SYNJ2BP: variants seen among roughly 807,000 people sequenced by gnomAD.
SYNJ2BP encodes synaptojanin-2-binding protein.
Under a neutral mutation model 16.9 loss-of-function variants are expected in SYNJ2BP, and 10 were observed. That is an observed-to-expected ratio of 0.59 (90% CI 0.36 to 1.00). The LOEUF (loss-of-function observed/expected upper bound fraction) is 1.00. Among genes scored for constraint, SYNJ2BP ranks in the 50% least tolerant of loss-of-function variants. The pLI is 0.01. For synonymous variants in SYNJ2BP, 54 were observed against 68.4 expected (o/e 0.79, Z 1.04); for missense variants, 162 against 186.7 (o/e 0.87, Z 0.77).
At chr14:70,392,011 G>A (rs1887991089) in intron 1 of SYNJ2BP, among the ~76,000 whole-genome samples, 1 of 152,162 alleles carries the variant, frequency 6.6e-6, no homozygotes, top group Admixed American at 6.5e-5. Context: ...CTGAACCTGG[G>A]CTGTACGGAT....
At chr14:70,377,935 T>G (rs2140814638) in intron 2 of SYNJ2BP, among the ~76,000 whole-genome samples, 1 of 152,336 alleles carries the variant, frequency 6.6e-6, no homozygotes, top group East Asian at 1.9e-4. Flanking sequence ...TCAGCATTCA[T>G]TCTCTATTCC....
chr14:70,383,156 T>A (rs1267260611), intron 2 of SYNJ2BP, among the ~76,000 whole-genome samples: 1 of 152,172 alleles, frequency 6.6e-6, no homozygotes, highest in East Asian at 1.9e-4. Context: ...CGGAACTAAC[T>A]TATTAGATGC....
In SYNJ2BP at chr14:70,367,561, C is replaced by CAAAAAAAAAAAAAAAAAAAAAAAAAAAAA. The variant is rs71448320; in HGVS notation, c.*5429_*5430insTTTTTTTTTTTTTTTTTTTTTTTTTTTTT. 2 of 36,950 alleles carry CAAAAAAAAAAAAAAAAAAAAAAAAAAAAA rather than the reference C, an allele frequency of 5.4e-5. 1 individual carries two copies. 2.3% of individuals were successfully genotyped at this position (36,950 alleles called of 1,614,324 possible). A position where few individuals can be genotyped will look rare whatever the true frequency, so the allele number is the denominator to read the frequency against. On this transcript the variant is annotated 3_prime_UTR_variant, in exon 4 of 4. Transcript: ENST00000256366. ...TAGGCGACAGAGCAAGACTCCGTCT[C>CAAAAAAAAAAAAAAAAAAAAAAAAAAAAA]AAAAAAAAAAAAAAAAAAAAAAAAA...
chr14:70,382,982 T>C (rs1379871426), intron 2 of SYNJ2BP, among the ~76,000 whole-genome samples: 2 of 152,178 alleles, frequency 1.3e-5, no homozygotes, highest in Non-Finnish European at 2.9e-5. Context: ...TAATACGCAA[T>C]AGATGTGAGA....
At chr14:70,396,011 C>A (rs1309302910) in intron 1 of SYNJ2BP, among the ~76,000 whole-genome samples, 1 of 152,120 alleles carries the variant, frequency 6.6e-6, no homozygotes, top group African/African-American at 2.4e-5. Context: ...TATGTACATA[C>A]CACATTTTAT....
intron 1 of SYNJ2BP, among the ~76,000 whole-genome samples, chr14:70,401,525 C>CTT (rs71105709): frequency 0.051 from 6,498 of 126,732 alleles, 549 homozygotes; most frequent in African/African-American, 0.15. Context: ...TGGTTCTTGG[C>CTT]TTTTTTTTTT....
At chr14:70,376,930 C>T (rs10150618) in intron 2 of SYNJ2BP, among the ~76,000 whole-genome samples, 132,491 of 152,160 alleles carry the variant, frequency 0.87, 57,747 homozygotes, top group East Asian at 0.93. Context: ...CTCCAAGGCA[C>T]TCATAATCTT....
At position 70,369,872 on chromosome 14, in the gene SYNJ2BP, C is replaced by CT. The variant is rs996675637; in HGVS notation, c.*3118dup. 3 of 152,228 alleles carry CT rather than the reference C, an allele frequency of 2.0e-5. No individual in the cohort carries two copies. Among genetic ancestry groups the CT allele is most frequent in the African/African-American group, 7.2e-5 (3 of 41,546 alleles). The allele number at this position is 152,228 out of a possible 1,614,324, so 9.4% of individuals were successfully genotyped here. A position where few individuals can be genotyped will look rare whatever the true frequency, so the allele number is the denominator to read the frequency against. On this transcript the variant is annotated 3_prime_UTR_variant, in exon 4 of 4. Transcript: ENST00000256366. Reference sequence around the variant, plus strand: ...AAATACCTTCGTTCAATTTTCAAAACTTTGAACGTAATAATTTAGGTAGTA... The same window carrying CT: ...AAATACCTTCGTTCAATTTTCAAAACTTTTGAACGTAATAATTTAGGTAGTA...
At chr14:70,377,266 A>T (rs1310595659) in intron 2 of SYNJ2BP, among the ~76,000 whole-genome samples, 1 of 152,162 alleles carries the variant, frequency 6.6e-6, no homozygotes, top group East Asian at 1.9e-4. Context: ...AAATCATTAG[A>T]ATCCTTTGTC....
Position 70,390,932 on chromosome 14 carries a change from G to A in SYNJ2BP, c.65-2326C>T, listed in dbSNP as rs908129801. 8.5e-5 allele frequency among the ~76,000 whole-genome samples: 13 copies of A among 152,068 alleles called. No homozygotes were observed. In the East Asian group the frequency reaches 1.2e-3, roughly 14 times the overall value. On this transcript the variant is annotated intron_variant, in intron 1 of 3. Coordinates refer to ENST00000256366, the MANE Select transcript of SYNJ2BP (RefSeq NM_018373.3). ...GTGGATCACTTGAGCTCAGGAGTTCGAGACCAGCCTGGGCAACGTGGTGAA... is the reference window on the plus strand; with the variant it reads ...GTGGATCACTTGAGCTCAGGAGTTCAAGACCAGCCTGGGCAACGTGGTGAA...
chr14:70,408,956 C>T (rs1478432458), intron 1 of SYNJ2BP, among the ~76,000 whole-genome samples: 1 of 152,118 alleles, frequency 6.6e-6, no homozygotes, highest in Non-Finnish European at 1.5e-5. Context: ...GCCTCAGCCT[C>T]CCAAGTAGCT....
chr14:70,416,471 G>C (rs931918295), intron 1 of SYNJ2BP, among the ~76,000 whole-genome samples: 4 of 152,074 alleles, frequency 2.6e-5, no homozygotes, highest in Middle Eastern at 3.4e-3. Flanking sequence ...GCGAGGGAGG[G>C]ATCCTAGCTG....
intron 2 of SYNJ2BP, among the ~76,000 whole-genome samples, chr14:70,385,015 A>T (rs1453598815): frequency 6.6e-6 from 1 of 152,220 alleles, no homozygotes; most frequent in East Asian, 1.9e-4. Flanking sequence ...TGGCCAAAAC[A>T]TAAACATATC....
intron 1 of SYNJ2BP, among the ~76,000 whole-genome samples, chr14:70,406,571 C>T (rs1888348841): frequency 6.6e-6 from 1 of 152,168 alleles, no homozygotes; most frequent in African/African-American, 2.4e-5. Flanking sequence ...TCTGAACTTC[C>T]CCGAATTGCT....
At position 70,380,723 on chromosome 14, in the gene SYNJ2BP, C is replaced by A. The variant is rs931663351; in HGVS notation, c.202-4952G>T. Among the ~76,000 whole-genome samples the A allele has an allele frequency of 9.2e-5, 14 of 151,546 alleles. No homozygotes were observed. The East Asian group carries it at 2.7e-3, about 29-fold the overall frequency. ...GTATTTATATATTAATATTACTATTCATTTGTATATACAGAAGTAGCATTA... is the reference window on the plus strand; with the variant it reads ...GTATTTATATATTAATATTACTATTAATTTGTATATACAGAAGTAGCATTA... On this transcript the variant is annotated intron_variant, in intron 2 of 3. Coordinates refer to ENST00000256366, the MANE Select transcript of SYNJ2BP (RefSeq NM_018373.3).
In SYNJ2BP at chr14:70,370,118, CTA is replaced by C. The variant is rs1442504573; in HGVS notation, c.*2871_*2872del. ...AAGTTATAAGAGTACATCAGAATCT[CTA>C]TTATCAACCAAAGCAAAACTTCTAC... On this transcript the variant is annotated 3_prime_UTR_variant, in exon 4 of 4. Coordinates refer to ENST00000256366, the MANE Select transcript of SYNJ2BP (RefSeq NM_018373.3). The C allele has an allele frequency of 3.9e-5, 6 of 152,192 alleles. No individual in the cohort carries two copies. Among genetic ancestry groups the C allele is most frequent in the Non-Finnish European group, 7.3e-5 (5 of 68,030 alleles). 9.4% of individuals were successfully genotyped at this position (152,192 alleles called of 1,614,324 possible).
chr14:70,386,433 T>C (rs1395039081), intron 2 of SYNJ2BP, among the ~76,000 whole-genome samples: 1 of 152,224 alleles, frequency 6.6e-6, no homozygotes, highest in African/African-American at 2.4e-5. Context: ...CAGTGCTTGA[T>C]ACTATATTTA....
intron 2 of SYNJ2BP, among the ~76,000 whole-genome samples, chr14:70,382,277 A>G (rs1303202197): frequency 6.6e-6 from 1 of 152,210 alleles, no homozygotes; most frequent in Non-Finnish European, 1.5e-5. Flanking sequence ...TATTTTTTAA[A>G]AAGTGAAATT....
rs193168991 is a variant in SYNJ2BP, at chr14:70,403,365, C to G, written c.64+13535G>C. 3.5e-4 allele frequency among the ~76,000 whole-genome samples: 54 copies of G among 152,314 alleles called. No homozygotes were observed. In the East Asian group the frequency reaches 6.6e-3, roughly 18 times the overall value. ...GTCAGAGGCGTTTAAACCAGAGCAA[C>G]TCCATCTTGAATAGGAGCTAGGTAA... On this transcript the variant is annotated intron_variant, in intron 1 of 3. Coordinates refer to ENST00000256366, the MANE Select transcript of SYNJ2BP (RefSeq NM_018373.3).
Sources: allele counts gnomAD v4.1 joint callset (sites outside exome capture counted in the v4.1 genomes callset), GRCh38; gene constraint gnomAD v4.1.1; transcripts MANE v1.5; gene names NCBI Gene and HGNC (gene_info 2026-07-23, HGNC 2026-07-21).